MYO5B: variants seen among roughly 807,000 people sequenced by gnomAD.
MYO5B encodes the protein unconventional myosin-Vb.
A neutral mutation model predicts 229.3 loss-of-function variants in MYO5B; 143 were observed. The ratio of observed to expected loss-of-function variants is 0.62; its 90% CI spans 0.54 to 0.72. MYO5B has a LOEUF of 0.72. Among genes scored for constraint, MYO5B ranks in the 30% least tolerant of loss-of-function variants. The pLI is 0.00. For synonymous variants in MYO5B, 918 were observed against 885.2 expected (o/e 1.04, Z -0.66); for missense variants, 2,321 against 2,331.0 (o/e 1.00, Z 0.09).
chr18:49,909,474 T>C (rs1470541145), intron 18 of MYO5B, among the ~76,000 whole-genome samples: 1 of 152,240 alleles, frequency 6.6e-6, no homozygotes, highest in Non-Finnish European at 1.5e-5. Flanking sequence ...GTGATTTCTG[T>C]ATATTCCTCA....
chr18:49,911,991 T>A lies in MYO5B; in HGVS notation c.2202+71A>T, dbSNP rs1448866124. ...ATGAAGACCAAAAAAAAAATGTAGA[T>A]AACGACGCCACCCCCTCAATCTTTA... On this transcript the variant is annotated intron_variant, in intron 18 of 39. Coordinates refer to ENST00000285039, the MANE Select transcript of MYO5B (RefSeq NM_001080467.3). 9.5e-6 allele frequency: 11 copies of A among 1,155,986 alleles called. No individual in the cohort carries two copies. In the East Asian group the frequency reaches 2.3e-4, roughly 25 times the overall value. 71.6% of individuals were successfully genotyped at this position (1,155,986 alleles called of 1,614,324 possible).
intron 7 of MYO5B, among the ~76,000 whole-genome samples, chr18:49,988,648 G>A (rs2025897030): frequency 6.6e-6 from 1 of 152,120 alleles, no homozygotes. Flanking sequence ...ACTGACCTGA[G>A]GGAAAAAAAT....
At chr18:50,083,336 A>C (rs943937357) in intron 1 of MYO5B, among the ~76,000 whole-genome samples, 6 of 152,092 alleles carry the variant, frequency 3.9e-5, no homozygotes, top group Admixed American at 3.3e-4. Context: ...TGATTGACTC[A>C]ATCTCCAGCC....
At chr18:49,961,311 T>G (rs2025556492) in intron 12 of MYO5B, among the ~76,000 whole-genome samples, 1 of 152,082 alleles carries the variant, frequency 6.6e-6, no homozygotes, top group African/African-American at 2.4e-5. Context: ...GAAGCCCACA[T>G]CTCTAGTGAA....
chr18:49,876,932 A>C (rs1364755676), intron 25 of MYO5B, among the ~76,000 whole-genome samples: 1 of 152,046 alleles, frequency 6.6e-6, no homozygotes, highest in African/African-American at 2.4e-5. Flanking sequence ...CAATCATATC[A>C]CATGTTTCTT....
At chr18:49,905,249 T>C (rs996574986) in intron 19 of MYO5B, among the ~76,000 whole-genome samples, 5 of 152,220 alleles carry the variant, frequency 3.3e-5, no homozygotes, top group African/African-American at 1.2e-4. Context: ...TCCATCATCC[T>C]GGACCCACTG....
chr18:49,879,635 T>C (rs1830967255), intron 23 of MYO5B, among the ~76,000 whole-genome samples: 1 of 152,246 alleles, frequency 6.6e-6, no homozygotes. Context: ...TGGGTGGGAC[T>C]GTGAGGTCAT....
Position 50,194,909 on chromosome 18 carries a change from C to CGCTCTT in MYO5B, c.-122_-117dup, listed in dbSNP as rs1185575947. On this transcript the variant is annotated 5_prime_UTR_variant, in exon 1 of 40. Transcript: ENST00000285039. ...CTGGCCTGGAGTTTCTCGATCTTCTCGCTCTTCTCCGACCTGCCCCGCCGG... is the reference window on the plus strand; with the variant it reads ...CTGGCCTGGAGTTTCTCGATCTTCTCGCTCTTGCTCTTCTCCGACCTGCCCCGCCGG... 2 of 1,206,172 alleles carry CGCTCTT rather than the reference C, an allele frequency of 1.7e-6. No individual in the cohort carries two copies. 74.7% of individuals were successfully genotyped at this position (1,206,172 alleles called of 1,614,324 possible). A position where few individuals can be genotyped will look rare whatever the true frequency, so the allele number is the denominator to read the frequency against.
intron 39 of MYO5B, among the ~76,000 whole-genome samples, chr18:49,833,771 T>C (rs1257714453): frequency 9.2e-5 from 14 of 152,180 alleles, no homozygotes; most frequent in Admixed American, 9.2e-4. Flanking sequence ...TGGGTCCAGG[T>C]TCAGATATCT....
chr18:49,856,835 G>C lies in MYO5B; in HGVS notation c.4000C>G (p.Gln1334Glu). ...CACCTGGCAACTTGCTTTAGGCCTT[G>C]GTAGGCCAAGCCGAGTTCTCCATCT... ...NEDGELGLAYQGLKQVARLLE... is the reference protein window; with the variant it reads ...NEDGELGLAYEGLKQVARLLE... Residue 1334 changes from glutamine (Q) to glutamate (E), a missense_variant, in exon 30 of 40, where the codon CAA (glutamine) becomes GAA (glutamate). This residue lies in a region of MYO5B where 2,113 missense variants were observed against 2,044.7 expected (regional missense o/e 1.03). Coordinates refer to ENST00000285039, the MANE Select transcript of MYO5B (RefSeq NM_001080467.3). The C allele has an allele frequency of 5.0e-6, 8 of 1,614,036 alleles. No individual in the cohort carries two copies. The highest frequency in any genetic ancestry group is 2.2e-5 in the East Asian group (1 of 44,892).
chr18:50,055,527 A>G, intron 1 of MYO5B, 149 bp from the exon 2 acceptor site: 1 of 687,690 alleles, frequency 1.5e-6, no homozygotes, highest in African/African-American at 1.8e-5. Context: ...ACACAACGTG[A>G]TCCGATATCA....
chr18:49,902,617 G>A lies in MYO5B; in HGVS notation c.2788C>T (p.Leu930=). 1 of 1,613,022 alleles carries A rather than the reference G, an allele frequency of 6.2e-7. No individual in the cohort carries two copies. The highest frequency in any genetic ancestry group is 2.2e-5 in the East Asian group (1 of 44,882). The change falls in exon 21 of 40, where the codon CTG becomes TTG. Residue 930 remains leucine, a synonymous_variant. Coordinates refer to ENST00000285039, the MANE Select transcript of MYO5B (RefSeq NM_001080467.3). ...NVGMENKVVQ[L]QRKIDEQNKE... The stretch of plus-strand genomic sequence containing the variant: ...ACCTGCTCATCGATCTTCCGCTGCA[G>A]CTGGACCACCTTGTTCTCCATGCCC...
At chr18:49,973,176 A>G (rs1330952711) in intron 10 of MYO5B, among the ~76,000 whole-genome samples, 2 of 152,204 alleles carry the variant, frequency 1.3e-5, no homozygotes, top group African/African-American at 4.8e-5. Context: ...CGTGCATGAG[A>G]CAACTCCTTC....
intron 16 of MYO5B, among the ~76,000 whole-genome samples, chr18:49,931,218 G>T (rs2025187299): frequency 6.6e-6 from 1 of 152,146 alleles, no homozygotes; most frequent in Admixed American, 6.6e-5. Context: ...GTGGGCATTT[G>T]CCAAGCAACT....
chr18:49,899,534 T>TA (rs1248982407), intron 21 of MYO5B, among the ~76,000 whole-genome samples: 1 of 152,158 alleles, frequency 6.6e-6, no homozygotes, highest in Non-Finnish European at 1.5e-5. Context: ...TCCCAATAGC[T>TA]AAATATCTTA....
intron 22 of MYO5B, among the ~76,000 whole-genome samples, chr18:49,881,035 A>G (rs760550298): frequency 2.2e-4 from 34 of 152,230 alleles, no homozygotes; most frequent in Non-Finnish European, 3.7e-4. Context: ...CTTTTACTCA[A>G]TAAATACGAA....
intron 4 of MYO5B, among the ~76,000 whole-genome samples, chr18:50,034,552 T>G (rs750872443): frequency 5.3e-4 from 80 of 152,332 alleles, no homozygotes; most frequent in Non-Finnish European, 9.6e-4. Flanking sequence ...GAGGCCAGCC[T>G]GGCCAACATG....
intron 38 of MYO5B, 104 bp from the exon 39 acceptor site, chr18:49,835,528 T>C (rs2023977308): frequency 1.3e-6 from 1 of 783,072 alleles, no homozygotes; most frequent in Non-Finnish European, 2.3e-6. Flanking sequence ...TGATCCTCTT[T>C]AGACAAGGCC....
chr18:49,966,907 G>C (rs1027783427), intron 10 of MYO5B, among the ~76,000 whole-genome samples: 1 of 152,194 alleles, frequency 6.6e-6, no homozygotes, highest in Non-Finnish European at 1.5e-5. Context: ...GGGAGATTGG[G>C]TAACTTTTCC....
Sources: allele counts gnomAD v4.1 joint callset (sites outside exome capture counted in the v4.1 genomes callset), GRCh38; gene constraint gnomAD v4.1.1; regional missense constraint gnomAD v4.1.1; transcripts MANE v1.5; gene names NCBI Gene and HGNC (gene_info 2026-07-23, HGNC 2026-07-21).